The following ATF6B variants were observed in gnomAD, a reference collection of about 807,000 sequenced individuals.
ATF6B encodes the protein cyclic AMP-dependent transcription factor ATF-6 beta.
Under a neutral mutation model 83.5 loss-of-function variants are expected in ATF6B, and 50 were observed. That is an observed-to-expected ratio of 0.60 (90% CI 0.48 to 0.76). The LOEUF (loss-of-function observed/expected upper bound fraction) is 0.76. ATF6B is among the 30% of genes least tolerant of loss of function. The pLI, the probability that ATF6B is intolerant of heterozygous loss-of-function variation, is 0.00. For missense variants in ATF6B, 790 were observed against 893.8 expected (o/e 0.88, Z 1.48); for synonymous variants, 344 against 362.8 (o/e 0.95, Z 0.59).
In ATF6B at chr6:32,115,648, C is replaced by T; in HGVS notation, c.*91G>A. On this transcript the variant is annotated 3_prime_UTR_variant, in exon 18 of 18. Transcript: ENST00000375203. ...CCTGCTCTTTCCTTTACCAATTGCC[C>T]CAAGCCTGGGGATCAGGGAAATTTG... 1 of 1,222,334 alleles carries T rather than the reference C, an allele frequency of 8.2e-7. No individual in the cohort carries two copies. The highest frequency in any genetic ancestry group is 1.2e-6 in the Non-Finnish European group (1 of 869,256). The allele number at this position is 1,222,334 out of a possible 1,614,324, so 75.7% of individuals were successfully genotyped here. A position where few individuals can be genotyped will look rare whatever the true frequency, so the allele number is the denominator to read the frequency against.
chr6:32,127,112 T>C lies in ATF6B; in HGVS notation c.333A>G (p.Pro111=), dbSNP rs1361501666. ...SSESSRLSTE[P]SSEALGVGEV... ...GATATGGCTCTCTCACCTCGCTGGA[T>C]GGCTCTGTGGAGAGACGCGATGACT... Residue 111 remains proline, a synonymous_variant, in exon 4 of 18, where the codon CCA becomes CCG. Transcript: ENST00000375203. 16 of 1,602,768 alleles carry C rather than the reference T, an allele frequency of 1.0e-5. No homozygotes were observed. The highest frequency in any genetic ancestry group is 9.0e-5 in the South Asian group (8 of 88,502).
In ATF6B at chr6:32,119,817, C is replaced by A. The variant is rs759245777; in HGVS notation, c.966+7G>T. ...CTCGCCCTACTTCTCTCCTCCCCAA[C>A]ACTTACATCCACTTCAGGCGGGCAG... is the stretch of plus-strand genomic sequence containing the variant. On this transcript the variant is annotated splice_region_variant and intron_variant, in intron 9 of 17. Coordinates refer to ENST00000375203, the MANE Select transcript of ATF6B (RefSeq NM_004381.5). The surrounding 1 kb of genome is among the most constrained non-coding windows in gnomAD (Gnocchi z 4.9). 6.8e-6 allele frequency: 11 copies of A among 1,613,646 alleles called. No homozygotes were observed. Among genetic ancestry groups the A allele is most frequent in the South Asian group, 3.3e-5 (3 of 91,046 alleles).
rs1422470920 is a variant in ATF6B, at chr6:32,119,632, A to G, written c.966+192T>C. On this transcript the variant is annotated intron_variant, in intron 9 of 17. Coordinates refer to ENST00000375203, the MANE Select transcript of ATF6B (RefSeq NM_004381.5). The surrounding 1 kb of genome is among the most constrained non-coding windows in gnomAD (Gnocchi z 4.9). ...AGTGACAGCAAACCTAAAGGACCCTAAAACTACCTGGAGTTGATATTCATA... is the reference window on the plus strand; with the variant it reads ...AGTGACAGCAAACCTAAAGGACCCTGAAACTACCTGGAGTTGATATTCATA... 6.6e-6 allele frequency among the ~76,000 whole-genome samples: 1 copy of G among 152,172 alleles called. No individual in the cohort carries two copies. The highest frequency in any genetic ancestry group is 1.5e-5 in the Non-Finnish European group (1 of 68,022).
chr6:32,119,768 G>C lies in ATF6B; in HGVS notation c.966+56C>G. ...CATCCCACAGTTCTCTCTATGGCAA[G>C]ACTTCCCTCTTCCCTTCCCATCACT... is the stretch of plus-strand genomic sequence containing the variant. On this transcript the variant is annotated intron_variant, in intron 9 of 17. Transcript: ENST00000375203. This position sits in a 1 kb window ranked among gnomAD's most constrained non-coding sequence, Gnocchi z 4.9. 1 of 1,593,920 alleles carries C rather than the reference G, an allele frequency of 6.3e-7. No homozygotes were observed. The highest frequency in any genetic ancestry group is 8.6e-7 in the Non-Finnish European group (1 of 1,167,958).
At position 32,125,896 on chromosome 6, in the gene ATF6B, G is replaced by A; in HGVS notation, c.478+221C>T. On this transcript the variant is annotated intron_variant, in intron 5 of 17. Transcript: ENST00000375203. The surrounding 1 kb of genome is among the most constrained non-coding windows in gnomAD (Gnocchi z 4.1). ...GAATACTAGGAACAAGAAAAAGAGA[G>A]AAAAATAATATCCATCTCCTCAGCA... 1.8e-6 allele frequency: 1 copy of A among 543,114 alleles called. No individual in the cohort carries two copies. The highest frequency in any genetic ancestry group is 3.1e-6 in the Non-Finnish European group (1 of 325,716). The allele number at this position is 543,114 out of a possible 1,614,324, so 33.6% of individuals were successfully genotyped here.
intron 7 of ATF6B, 40 bp from the exon 8 acceptor site, chr6:32,120,942 C>T (rs1426744227): frequency 2.0e-6 from 3 of 1,521,218 alleles, no homozygotes; most frequent in Non-Finnish European, 2.6e-6. Context: ...AATGTCAGGA[C>T]CAAAGGCCTC....
chr6:32,125,931 C>CT lies in ATF6B; in HGVS notation c.478+185dup, dbSNP rs1158896147. 1.3e-6 allele frequency: 1 copy of CT among 754,084 alleles called. No individual in the cohort carries two copies. The highest frequency in any genetic ancestry group is 1.8e-5 in the African/African-American group (1 of 56,650). 46.7% of individuals were successfully genotyped at this position (754,084 alleles called of 1,614,324 possible). ...ATCCATCTCCTCAGCACTGCCCTTGCTGTGGTTCCCTGAAATGTTTCCTCT... is the reference window on the plus strand; with the variant it reads ...ATCCATCTCCTCAGCACTGCCCTTGCTTGTGGTTCCCTGAAATGTTTCCTCT... On this transcript the variant is annotated intron_variant, in intron 5 of 17. Transcript: ENST00000375203. The surrounding 1 kb of genome is among the most constrained non-coding windows in gnomAD (Gnocchi z 4.1).
intron 8 of ATF6B, 95 bp downstream of exon 8, chr6:32,120,676 T>G: frequency 6.2e-6 from 9 of 1,447,382 alleles, no homozygotes; most frequent in Non-Finnish European, 8.4e-6. Flanking sequence ...GTCTTAAACT[T>G]CTGACCTCAG....
Position 32,115,865 on chromosome 6 carries a change from C to T in ATF6B, c.1986G>A (p.Val662=). ...TRVIHIKTST[V]PPSLRKQPSP... is the part of the protein sequence containing the mutation. ...ATGGCTGTTTTCGGAGCGAGGGGGG[C>T]ACTGTGGAGGTCTTGATGTGAATCA... The change falls in exon 18 of 18, where the codon GTG becomes GTA. Residue 662 remains valine, a synonymous_variant. Transcript: ENST00000375203. The T allele has an allele frequency of 6.2e-7, 1 of 1,614,138 alleles. No homozygotes were observed. The highest frequency in any genetic ancestry group is 8.5e-7 in the Non-Finnish European group (1 of 1,180,020).
chr6:32,128,211 T>TGGGC lies in ATF6B; in HGVS notation c.-5_-4insGCCC. 1.5e-5 allele frequency: 23 copies of TGGGC among 1,535,494 alleles called. No homozygotes were observed. Among genetic ancestry groups the TGGGC allele is most frequent in the Non-Finnish European group, 1.8e-5 (20 of 1,130,288 alleles). On this transcript the variant is annotated 5_prime_UTR_variant, in exon 1 of 18. Coordinates refer to ENST00000375203, the MANE Select transcript of ATF6B (RefSeq NM_004381.5). ...TGAGCAGCATCAGCTCCGCCATCTT[T>TGGGC]CCCCCCCACCCCCCAACCAGGAGAC...
Position 32,118,551 on chromosome 6 carries a change from G to A in ATF6B, c.1244+224C>T, listed in dbSNP as rs1781623015. On this transcript the variant is annotated intron_variant, in intron 11 of 17. Coordinates refer to ENST00000375203, the MANE Select transcript of ATF6B (RefSeq NM_004381.5). The surrounding 1 kb of genome is among the most constrained non-coding windows in gnomAD (Gnocchi z 5.2). Reference sequence around the variant, plus strand: ...GCAGAGGTTGCAGTGAGCCGAGATCGTGCCACTGCACTCCAGCCTGGGCAA... The same window carrying A: ...GCAGAGGTTGCAGTGAGCCGAGATCATGCCACTGCACTCCAGCCTGGGCAA... 1.3e-5 allele frequency among the ~76,000 whole-genome samples: 2 copies of A among 152,118 alleles called. No homozygotes were observed. The highest frequency in any genetic ancestry group is 2.9e-5 in the Non-Finnish European group (2 of 68,028).
intron 5 of ATF6B, among the ~76,000 whole-genome samples, chr6:32,124,575 T>C (rs949331170): frequency 2.0e-5 from 3 of 152,152 alleles, no homozygotes; most frequent in Non-Finnish European, 4.4e-5. Flanking sequence ...GGCCCCCACC[T>C]ATCCACAGGA....
In ATF6B at chr6:32,126,111, T is replaced by C. The variant is rs895371051; in HGVS notation, c.478+6A>G. On this transcript the variant is annotated splice_donor_region_variant and intron_variant, in intron 5 of 17. Transcript: ENST00000375203. ...GCCAAGGATTGGGGGCAGGCTGTTT[T>C]ATTACCTGAGGAATCATCAGAGGTG... 1.1e-5 allele frequency: 18 copies of C among 1,613,958 alleles called. No homozygotes were observed. The highest frequency in any genetic ancestry group is 1.4e-5 in the Non-Finnish European group (16 of 1,180,002).
At chr6:32,120,741 A>C in intron 8 of ATF6B, 30 bp downstream of exon 8, 1 of 1,603,536 alleles carries the variant, frequency 6.2e-7, no homozygotes, top group Non-Finnish European at 8.5e-7. Context: ...GTGAGCCACC[A>C]TGCCCGGCCC....
rs541905611 is a variant in ATF6B at position 32,117,395 on chromosome 6, G to A, written c.1542C>T (p.Asp514=). Residue 514 remains aspartate, a synonymous_variant, in exon 14 of 18, where the codon GAC becomes GAT. Transcript: ENST00000375203. This position sits in a 1 kb window ranked among gnomAD's most constrained non-coding sequence, Gnocchi z 5.0. ...FNRTESLRLA[D]ELSGWVQRHQ... is the part of the protein sequence containing the mutation. ...GGCGCTGGACCCAGCCACTCAACTC[G>A]TCAGCAAGCCTGGGGAAATGGAGGA... is the stretch of plus-strand genomic sequence containing the variant. 11 of 1,614,008 alleles carry A rather than the reference G, an allele frequency of 6.8e-6. No homozygotes were observed. Among genetic ancestry groups the A allele is most frequent in the African/African-American group, 2.7e-5 (2 of 75,012 alleles).
In ATF6B at chr6:32,116,356, G is replaced by T; in HGVS notation, c.1882+124C>A. ...GTGCTCTTCCCTCCACCTACTTCCT[G>T]CTGCTTCTCACCTGTGGGTCCAGCA... On this transcript the variant is annotated intron_variant, in intron 17 of 17. Coordinates refer to ENST00000375203, the MANE Select transcript of ATF6B (RefSeq NM_004381.5). This position sits in a 1 kb window ranked among gnomAD's most constrained non-coding sequence, Gnocchi z 5.1. 1 of 902,350 alleles carries T rather than the reference G, an allele frequency of 1.1e-6. No individual in the cohort carries two copies. Among genetic ancestry groups the T allele is most frequent in the Non-Finnish European group, 1.7e-6 (1 of 597,984 alleles). 55.9% of individuals were successfully genotyped at this position (902,350 alleles called of 1,614,324 possible).
At chr6:32,124,714 C>T (rs1436955305) in intron 5 of ATF6B, among the ~76,000 whole-genome samples, 4 of 152,230 alleles carry the variant, frequency 2.6e-5, no homozygotes, top group Admixed American at 6.5e-5. Context: ...AGTCAACCCC[C>T]ACACTGTCCT....
rs1212988512 is a variant in ATF6B at position 32,117,294 on chromosome 6, G to T, written c.1614+29C>A. The T allele has an allele frequency of 1.2e-6, 2 of 1,606,736 alleles. No homozygotes were observed. The highest frequency in any genetic ancestry group is 1.1e-5 in the South Asian group (1 of 90,460). On this transcript the variant is annotated intron_variant, in intron 14 of 17. Coordinates refer to ENST00000375203, the MANE Select transcript of ATF6B (RefSeq NM_004381.5). This position sits in a 1 kb window ranked among gnomAD's most constrained non-coding sequence, Gnocchi z 5.0. Reference sequence around the variant, plus strand: ...GGCCTTTAGCCCTTGTCTTCAAGTGGCCTTCCTTGAACCAGCCACCCGCCC... The same window carrying T: ...GGCCTTTAGCCCTTGTCTTCAAGTGTCCTTCCTTGAACCAGCCACCCGCCC...
chr6:32,128,168 T>G lies in ATF6B; in HGVS notation c.40A>C (p.Thr14Pro), dbSNP rs202044914. 3.4e-4 allele frequency: 552 copies of G among 1,612,652 alleles called. No homozygotes were observed. The highest frequency in any genetic ancestry group is 4.6e-4 in the Non-Finnish European group (538 of 1,179,798). Residue 14 changes from threonine to proline, a missense_variant, in exon 1 of 18, where the codon ACG (threonine) becomes CCG (proline). By Grantham distance (38) the Thr-to-Pro change is conservative. Coordinates refer to ENST00000375203, the MANE Select transcript of ATF6B (RefSeq NM_004381.5). ...AGCAGGTTGTCGGTGAAGAAACGCG[T>G]CGGGTCAGCAATCTCGCTGAGCAGC... is the stretch of plus-strand genomic sequence containing the variant. ...LMLLSEIADP[T>P]RFFTDNLLSP...
Sources: gnomAD v4.1 joint callset for allele counts (sites outside exome capture counted in the v4.1 genomes callset) on GRCh38, gnomAD v4.1.1 for gene constraint, Gnocchi (gnomAD v3.1) non-coding constraint, MANE v1.5 for transcripts, NCBI Gene and HGNC (gene_info 2026-07-23, HGNC 2026-07-21) for gene names.